The following UBE2R2 variants were observed in gnomAD, a reference collection of about 807,000 sequenced individuals.
UBE2R2 encodes the protein ubiquitin-conjugating enzyme E2 R2.
UBE2R2 carries 1 observed loss-of-function variant against 27.8 expected under a neutral mutation model. The ratio of observed to expected loss-of-function variants is 0.04; its 90% CI spans 0.01 to 0.17. UBE2R2 has a LOEUF of 0.17. Ranked by LOEUF, UBE2R2 falls within the 10% of genes least tolerant of loss-of-function variation. UBE2R2 has a pLI of 1.00. For synonymous variants in UBE2R2, 106 were observed against 113.3 expected, an observed-to-expected ratio of 0.94 and a Z score of 0.41; for missense variants, 100 against 291.0, an observed-to-expected ratio of 0.34 and a Z score of 4.78.
At chr9:33,843,197 C>T (rs961285321) in intron 1 of UBE2R2, among the ~76,000 whole-genome samples, 3 of 151,658 alleles carry the variant, frequency 2.0e-5, no homozygotes, top group Non-Finnish European at 1.5e-5. Context: ...TACAGACATG[C>T]GCCATCCCGC....
intron 4 of UBE2R2, among the ~76,000 whole-genome samples, chr9:33,915,165 A>C (rs899304752): frequency 2.0e-5 from 3 of 151,608 alleles, no homozygotes; most frequent in Admixed American, 2.0e-4. Flanking sequence ...TGGCCAGGGG[A>C]CCAACATGGA....
At chr9:33,872,681 G>T (rs1485746782) in intron 1 of UBE2R2, among the ~76,000 whole-genome samples, 1 of 151,962 alleles carries the variant, frequency 6.6e-6, no homozygotes, top group African/African-American at 2.4e-5. Flanking sequence ...AGATACTCAG[G>T]AGGCTGAGGC....
chr9:33,899,890 T>C (rs1203344869), intron 2 of UBE2R2, among the ~76,000 whole-genome samples: 1 of 152,132 alleles, frequency 6.6e-6, no homozygotes, highest in Non-Finnish European at 1.5e-5. Flanking sequence ...AAATATTATA[T>C]TTTAATGTTC....
chr9:33,861,473 G>A (rs1821234852), intron 1 of UBE2R2, among the ~76,000 whole-genome samples: 1 of 151,890 alleles, frequency 6.6e-6, no homozygotes, highest in Non-Finnish European at 1.5e-5. Flanking sequence ...CTACTTATGA[G>A]GCTGAGGCAC....
At chr9:33,914,374 G>A (rs1026588049) in intron 4 of UBE2R2, among the ~76,000 whole-genome samples, 7 of 152,206 alleles carry the variant, frequency 4.6e-5, no homozygotes, top group Admixed American at 2.6e-4. Flanking sequence ...ACAAATGCTT[G>A]AGTGTAAATT....
chr9:33,899,642 G>A (rs984681276), intron 2 of UBE2R2, among the ~76,000 whole-genome samples: 2 of 152,170 alleles, frequency 1.3e-5, no homozygotes, highest in African/African-American at 4.8e-5. Context: ...CAAAGTGCTG[G>A]GATTACAGGC....
At chr9:33,822,906 A>AT (rs542620697) in intron 1 of UBE2R2, among the ~76,000 whole-genome samples, 9,726 of 127,736 alleles carry the variant, frequency 0.076, 535 homozygotes, top group Non-Finnish European at 0.1. Context: ...CTTCTTATTA[A>AT]TTTTTTTTTT....
In UBE2R2 at chr9:33,887,595, C is replaced by T. The variant is rs185904191; in HGVS notation, c.264+628C>T. 5.1e-3 allele frequency among the ~76,000 whole-genome samples: 782 copies of T among 152,182 alleles called. 9 individuals carry two copies. Among genetic ancestry groups the T allele is most frequent in the Non-Finnish European group, 9.2e-3 (628 of 68,010 alleles). ...TTTCTCAGGTTGATATATGAGGGCC[C>T]GCTAGTTTTTTTCCTTTGAGGCTAC... On this transcript the variant is annotated intron_variant, in intron 2 of 4. Coordinates refer to ENST00000263228, the MANE Select transcript of UBE2R2 (RefSeq NM_017811.4).
chr9:33,831,131 G>A (rs540069241), intron 1 of UBE2R2: 2 of 146,448 alleles, frequency 1.4e-5, no homozygotes, highest in Admixed American at 1.4e-4. Flanking sequence ...TGGAAAATAT[G>A]TAGTAGTTCT....
chr9:33,868,589 G>T, intron 1 of UBE2R2: 1 of 152,350 alleles, frequency 6.6e-6, no homozygotes, highest in South Asian at 2.0e-4. Flanking sequence ...GCATAACAAG[G>T]GCAGCACTGC....
intron 1 of UBE2R2, among the ~76,000 whole-genome samples, chr9:33,880,192 T>C (rs980568234): frequency 1.3e-5 from 2 of 152,280 alleles, no homozygotes; most frequent in Non-Finnish European, 2.9e-5. Context: ...GGCCTAATTT[T>C]GTATTTTTCT....
At chr9:33,912,412 G>T (rs2130822249) in intron 4 of UBE2R2, among the ~76,000 whole-genome samples, 1 of 152,126 alleles carries the variant, frequency 6.6e-6, no homozygotes, top group South Asian at 2.1e-4. Flanking sequence ...ATCACCTGAG[G>T]TCAGGAGTTC....
intron 1 of UBE2R2, among the ~76,000 whole-genome samples, chr9:33,853,411 T>C (rs2243565): frequency 0.39 from 59,237 of 150,834 alleles, 12,029 homozygotes; most frequent in African/African-American, 0.48. Context: ...CTCAGCCTCC[T>C]GAATAGCTGG....
intron 2 of UBE2R2, among the ~76,000 whole-genome samples, chr9:33,889,524 G>A (rs2130798691): frequency 6.6e-6 from 1 of 151,992 alleles, no homozygotes; most frequent in Admixed American, 6.6e-5. Flanking sequence ...TCTTTCATAA[G>A]GGTGCTAATC....
chr9:33,858,419 AT>A (rs984610348), intron 1 of UBE2R2, among the ~76,000 whole-genome samples: 1 of 150,622 alleles, frequency 6.6e-6, no homozygotes. Flanking sequence ...ATAGATGTTA[AT>A]TTTTTTTTTC....
At chr9:33,877,799 CTCTG>C (rs546643488) in intron 1 of UBE2R2, among the ~76,000 whole-genome samples, 3,191 of 145,222 alleles carry the variant, frequency 0.022, 137 homozygotes, top group African/African-American at 0.074. Flanking sequence ...TTTTGCCCCT[CTCTG>C]TCTGTCTGTC....
chr9:33,824,944 C>T (rs1292478068), intron 1 of UBE2R2, among the ~76,000 whole-genome samples: 1 of 151,734 alleles, frequency 6.6e-6, no homozygotes, highest in Non-Finnish European at 1.5e-5. Flanking sequence ...GTTTCAATGT[C>T]ATAGATTTGC....
At chr9:33,848,216 T>G (rs564291718) in intron 1 of UBE2R2, among the ~76,000 whole-genome samples, 1 of 152,244 alleles carries the variant, frequency 6.6e-6, no homozygotes, top group Admixed American at 6.5e-5. Context: ...TTTGTGCAAT[T>G]TTTTCTTCTA....
At chr9:33,854,482 G>A (rs1020310217) in intron 1 of UBE2R2, among the ~76,000 whole-genome samples, 1 of 151,802 alleles carries the variant, frequency 6.6e-6, no homozygotes, top group Admixed American at 6.6e-5. Context: ...ACCATGCCCG[G>A]CTAGTTTTTG....
Sources: gnomAD v4.1 joint callset for allele counts (sites outside exome capture counted in the v4.1 genomes callset) on GRCh38, gnomAD v4.1.1 for gene constraint, MANE v1.5 for transcripts, NCBI Gene and HGNC (gene_info 2026-07-23, HGNC 2026-07-21) for gene names.